Variants in ACER3 observed in about 807,000 individuals in gnomAD.
ACER3 encodes alkaline ceramidase 3.
In ACER3, 16 loss-of-function variants were observed where a neutral mutation model predicts 48.9. The observed-to-expected ratio is 0.33, with a 90% CI of 0.22 to 0.50. The LOEUF is 0.50. Ranked by LOEUF, ACER3 falls within the 20% of genes least tolerant of loss-of-function variation. The pLI is 0.98. For missense variants in ACER3, 227 were observed against 326.0 expected (o/e 0.70, Z 2.34); for synonymous variants, 109 against 107.8 (o/e 1.01, Z -0.07).
chr11:76,986,555 A>G (rs1256281406), intron 5 of ACER3, among the ~76,000 whole-genome samples: 1 of 152,176 alleles, frequency 6.6e-6, no homozygotes, highest in Non-Finnish European at 1.5e-5. Context: ...GTGAACTACC[A>G]TTTTCAATCA....
intron 4 of ACER3, among the ~76,000 whole-genome samples, chr11:76,985,374 C>T (rs993795937): frequency 6.6e-6 from 1 of 152,176 alleles, no homozygotes; most frequent in African/African-American, 2.4e-5. Context: ...GCCCAGCTAA[C>T]TCTCTATACT....
intron 1 of ACER3, among the ~76,000 whole-genome samples, chr11:76,898,713 G>C (rs1235256593): frequency 6.7e-6 from 1 of 149,214 alleles, no homozygotes; most frequent in Non-Finnish European, 1.5e-5. Context: ...GACCATCCCG[G>C]CTAAAACGGT....
chr11:76,877,809 A>G (rs545916645), intron 1 of ACER3, among the ~76,000 whole-genome samples: 1 of 152,178 alleles, frequency 6.6e-6, no homozygotes, highest in East Asian at 1.9e-4. Flanking sequence ...TACTTAATTT[A>G]GTGTTTATCA....
At chr11:76,972,745 G>A (rs1047546523) in intron 3 of ACER3, among the ~76,000 whole-genome samples, 3 of 152,184 alleles carry the variant, frequency 2.0e-5, no homozygotes, top group African/African-American at 4.8e-5. Context: ...TGTCTCCCTC[G>A]AGGCTTCCTG....
intron 1 of ACER3, among the ~76,000 whole-genome samples, chr11:76,911,366 G>A (rs11608202): frequency 0.03 from 4,625 of 152,238 alleles, 94 homozygotes; most frequent in South Asian, 0.065. Context: ...TGGCACTGGT[G>A]GGAGTGTCTT....
At chr11:76,908,890 C>T (rs1336800463) in intron 1 of ACER3, among the ~76,000 whole-genome samples, 1 of 152,086 alleles carries the variant, frequency 6.6e-6, no homozygotes. Flanking sequence ...GCTACAGTAA[C>T]CAAAACAGCA....
At chr11:76,989,805 T>C (rs1948761555) in intron 5 of ACER3, among the ~76,000 whole-genome samples, 2 of 152,202 alleles carry the variant, frequency 1.3e-5, no homozygotes, top group African/African-American at 2.4e-5. Flanking sequence ...TTGATTCCCC[T>C]GTACCATGTC....
At chr11:77,006,750 ACTT>A (rs1343576222) in intron 7 of ACER3, among the ~76,000 whole-genome samples, 1 of 151,858 alleles carries the variant, frequency 6.6e-6, no homozygotes, top group Non-Finnish European at 1.5e-5. Context: ...GTCTCTCACT[ACTT>A]CAAGATTTTC....
rs756362938 is a variant in ACER3, at chr11:76,872,905, C to CTTTTTTTTTTTTTTTT, written c.103+11831_103+11832insTTTTTTTTTTTTTTTT. Among the ~76,000 whole-genome samples, 63 of 94,566 alleles carry CTTTTTTTTTTTTTTTT rather than the reference C, an allele frequency of 6.7e-4. 2 individuals are homozygous for CTTTTTTTTTTTTTTTT. The highest frequency in any genetic ancestry group is 2.2e-3 in the African/African-American group (51 of 23,700). The allele number at this position is 94,566 out of a possible 152,430, so 62.0% of individuals were successfully genotyped here. A position where few individuals can be genotyped will look rare whatever the true frequency, so the allele number is the denominator to read the frequency against. On this transcript the variant is annotated intron_variant, in intron 1 of 10. Transcript: ENST00000532485. ...TCTTTTCTTTCTTTCTTTCTTTTTT[C>CTTTTTTTTTTTTTTTT]TTTTTCTTTTTTTTTTTTTTTTTTG...
At chr11:77,019,577 C>CA (rs139326673) in intron 9 of ACER3, 154 bp from the exon 10 acceptor site, 16,015 of 540,116 alleles carry the variant, frequency 0.03, 3 homozygotes, top group South Asian at 0.046. Flanking sequence ...AGTAGATGCT[C>CA]AAAAAAAAAA....
chr11:76,931,977 C>T (rs1281963881), intron 2 of ACER3, among the ~76,000 whole-genome samples: 4 of 142,750 alleles, frequency 2.8e-5, no homozygotes, highest in Non-Finnish European at 6.1e-5. Flanking sequence ...TTGACAGAGT[C>T]GCACTCTGTC....
chr11:76,861,122 G>C, intron 1 of ACER3, 43 bp downstream of exon 1: 1 of 1,505,124 alleles, frequency 6.6e-7, no homozygotes, highest in Non-Finnish European at 9.0e-7. Context: ...AGAGGGCACC[G>C]GGCTGAGGAG....
intron 1 of ACER3, among the ~76,000 whole-genome samples, chr11:76,916,665 T>C (rs1946537938): frequency 6.6e-6 from 1 of 152,224 alleles, no homozygotes; most frequent in Admixed American, 6.5e-5. Flanking sequence ...ATTATCAAAA[T>C]AACCATTTTC....
rs1300544283 is a variant in ACER3 at position 77,026,749 on chromosome 11, C to A, written c.*6422C>A. 1 of 152,118 alleles carries A rather than the reference C, an allele frequency of 6.6e-6. No homozygotes were observed. The highest frequency in any genetic ancestry group is 2.4e-5 in the African/African-American group (1 of 41,424). The allele number at this position is 152,118 out of a possible 1,614,324, so 9.4% of individuals were successfully genotyped here. On this transcript the variant is annotated 3_prime_UTR_variant, in exon 11 of 11. Transcript: ENST00000532485. ...GGAGACTATATTTCTGCATTCATTA[C>A]CTCTCATAGGTGAAAATATTAAATT...
At chr11:76,945,061 T>G (rs1947439293) in intron 2 of ACER3, among the ~76,000 whole-genome samples, 1 of 152,076 alleles carries the variant, frequency 6.6e-6, no homozygotes, top group Admixed American at 6.5e-5. Context: ...AGAATTTCTC[T>G]TTGGTTTTTG....
chr11:76,971,858 C>T (rs867793889), intron 3 of ACER3, among the ~76,000 whole-genome samples: 1 of 152,056 alleles, frequency 6.6e-6, no homozygotes, highest in Admixed American at 6.6e-5. Flanking sequence ...TTCTGTCAGA[C>T]CTTTAAAGGT....
At chr11:77,019,593 G>T (rs1949436828) in intron 9 of ACER3, 138 bp from the exon 10 acceptor site, 2 of 719,130 alleles carry the variant, frequency 2.8e-6, no homozygotes, top group Admixed American at 2.4e-5. Flanking sequence ...AAAAACAGTT[G>T]CTGAACAAAT....
chr11:77,011,052 A>G (rs1469900434), intron 7 of ACER3, among the ~76,000 whole-genome samples: 1 of 152,206 alleles, frequency 6.6e-6, no homozygotes, highest in Non-Finnish European at 1.5e-5. Context: ...CCAATGAAAG[A>G]GAGAGGTGAA....
Position 77,022,868 on chromosome 11 carries a change from CAAAAAAAAAAAAAAA to C in ACER3, c.*2551_*2565del, listed in dbSNP as rs10565723. 0.81 allele frequency: 228,465 copies of C among 282,928 alleles called. 90,179 individuals carry two copies. Among genetic ancestry groups the C allele is most frequent in the Non-Finnish European group, 0.84 (133,176 of 159,162 alleles). 17.5% of individuals were successfully genotyped at this position (282,928 alleles called of 1,614,324 possible). On this transcript the variant is annotated 3_prime_UTR_variant, in exon 11 of 11. Transcript: ENST00000532485. ...ATGGTGGCAGAGCGAGACTCCGTCT[CAAAAAAAAAAAAAAA>C]AAAAAAAAAGAAAAGAAAAGAAAAT... is the stretch of plus-strand genomic sequence containing the variant.
Sources: gnomAD v4.1 joint callset for allele counts (sites outside exome capture counted in the v4.1 genomes callset) on GRCh38, gnomAD v4.1.1 for gene constraint, MANE v1.5 for transcripts, NCBI Gene and HGNC (gene_info 2026-07-23, HGNC 2026-07-21) for gene names.